The following LRRC4C variants were observed in gnomAD, a reference collection of about 807,000 sequenced individuals.
The protein encoded by LRRC4C is leucine-rich repeat-containing protein 4C.
LRRC4C carries 5 observed loss-of-function variants against 33.6 expected under a neutral mutation model. That is an observed-to-expected ratio of 0.15 (90% CI 0.08 to 0.31). The LOEUF (loss-of-function observed/expected upper bound fraction) is 0.31, where lower values mean the gene tolerates loss of function less well. LRRC4C is among the 10% of genes least tolerant of loss of function. The probability of loss-of-function intolerance (pLI) is 1.00; values close to 1 mark genes in which losing one functional copy is unlikely to be tolerated. For missense variants in LRRC4C, 560 were observed against 796.7 expected (o/e 0.70, Z 3.58); for synonymous variants, 329 against 302.0 (o/e 1.09, Z -0.93).
intron 1 of LRRC4C, among the ~76,000 whole-genome samples, chr11:40,979,225 T>C (rs1301851109): frequency 6.6e-6 from 1 of 152,182 alleles, no homozygotes; most frequent in Admixed American, 6.5e-5. Flanking sequence ...ACAAAAATAT[T>C]GTCAGCTTTT....
intron 3 of LRRC4C, among the ~76,000 whole-genome samples, chr11:40,611,829 C>G (rs1036917307): frequency 1.3e-5 from 2 of 151,428 alleles, no homozygotes; most frequent in African/African-American, 2.4e-5. Flanking sequence ...CACTTTGTAG[C>G]TGTTAGAATA....
chr11:40,508,263 G>A (rs1193370653), intron 3 of LRRC4C, among the ~76,000 whole-genome samples: 1 of 151,868 alleles, frequency 6.6e-6, no homozygotes, highest in African/African-American at 2.4e-5. Context: ...CAAAGAAGGG[G>A]GAATTATTTA....
At chr11:40,750,313 C>CA (rs1441682876) in intron 2 of LRRC4C, among the ~76,000 whole-genome samples, 6 of 151,930 alleles carry the variant, frequency 3.9e-5, no homozygotes, top group East Asian at 1.9e-4. Flanking sequence ...AAAACTATTC[C>CA]AAAAAATTGA....
At chr11:40,646,546 G>A (rs1050472935) in intron 3 of LRRC4C, among the ~76,000 whole-genome samples, 3 of 152,100 alleles carry the variant, frequency 2.0e-5, no homozygotes, top group Admixed American at 2.0e-4. Context: ...GAAAGACCAA[G>A]TTTGACGGCA....
At chr11:41,194,444 T>C (rs560935945) in intron 1 of LRRC4C, among the ~76,000 whole-genome samples, 1 of 152,124 alleles carries the variant, frequency 6.6e-6, no homozygotes, top group Non-Finnish European at 1.5e-5. Flanking sequence ...TATGACTCGA[T>C]TCTAACCCAT....
intron 3 of LRRC4C, among the ~76,000 whole-genome samples, chr11:40,378,278 T>C (rs1325897752): frequency 6.6e-6 from 1 of 152,046 alleles, no homozygotes; most frequent in Non-Finnish European, 1.5e-5. Flanking sequence ...CTTGATTAAC[T>C]TGAGTGCTTG....
chr11:40,245,190 C>T (rs930657129), intron 4 of LRRC4C, among the ~76,000 whole-genome samples: 2 of 152,170 alleles, frequency 1.3e-5, no homozygotes, highest in African/African-American at 2.4e-5. Context: ...ATCTCTTATA[C>T]AATTTCCTGA....
chr11:40,870,296 G>T (rs1369405640), intron 2 of LRRC4C, among the ~76,000 whole-genome samples: 1 of 152,064 alleles, frequency 6.6e-6, no homozygotes, highest in African/African-American at 2.4e-5. Flanking sequence ...TGTGAGTGGG[G>T]GGTTGCTGTG....
chr11:41,086,662 G>A (rs1940011018), intron 1 of LRRC4C, among the ~76,000 whole-genome samples: 1 of 152,018 alleles, frequency 6.6e-6, no homozygotes, highest in Admixed American at 6.6e-5. Flanking sequence ...TTACAGGCAT[G>A]GTGACTTTGT....
At chr11:40,944,344 A>G (rs1958293910) in intron 1 of LRRC4C, among the ~76,000 whole-genome samples, 1 of 152,092 alleles carries the variant, frequency 6.6e-6, no homozygotes, top group African/African-American at 2.4e-5. Flanking sequence ...TTCATGAATA[A>G]TTTTTCTGAC....
chr11:40,588,563 G>A (rs1235983433), intron 3 of LRRC4C, among the ~76,000 whole-genome samples: 1 of 151,554 alleles, frequency 6.6e-6, no homozygotes, highest in African/African-American at 2.4e-5. Context: ...TTTTAATTGT[G>A]ATGTTAGGTT....
chr11:40,216,271 T>A (rs1448036558), intron 5 of LRRC4C, among the ~76,000 whole-genome samples: 1 of 152,164 alleles, frequency 6.6e-6, no homozygotes, highest in Non-Finnish European at 1.5e-5. Flanking sequence ...CTTCCATTTT[T>A]AAATTTTAAT....
intron 5 of LRRC4C, among the ~76,000 whole-genome samples, chr11:40,227,889 G>A (rs1200988175): frequency 6.6e-6 from 1 of 152,150 alleles, no homozygotes; most frequent in African/African-American, 2.4e-5. Context: ...ACTCAGAGTG[G>A]ACATGATGCC....
chr11:40,720,265 G>A (rs895699766), intron 2 of LRRC4C, among the ~76,000 whole-genome samples: 7 of 152,074 alleles, frequency 4.6e-5, no homozygotes, highest in South Asian at 4.2e-4. Context: ...AACTCCATTT[G>A]GTCCTTTCAA....
chr11:41,205,383 T>C (rs749030913), intron 1 of LRRC4C, among the ~76,000 whole-genome samples: 23 of 152,298 alleles, frequency 1.5e-4, no homozygotes, highest in Admixed American at 2.6e-4. Context: ...TAACACCAAC[T>C]TGGGGGCTCC....
chr11:41,006,027 C>T (rs1468071439), intron 1 of LRRC4C, among the ~76,000 whole-genome samples: 1 of 152,180 alleles, frequency 6.6e-6, no homozygotes, highest in East Asian at 1.9e-4. Context: ...AAACTAGTCA[C>T]ACAATTTTAT....
At chr11:40,213,274 T>C (rs913357604) in intron 5 of LRRC4C, among the ~76,000 whole-genome samples, 1 of 152,146 alleles carries the variant, frequency 6.6e-6, no homozygotes, top group African/African-American at 2.4e-5. Context: ...TCTCTCTTAC[T>C]TGGATTTTGG....
At position 41,170,165 on chromosome 11, in the gene LRRC4C, T is replaced by C. The variant is rs546807050; in HGVS notation, c.-495-236442A>G. Among the ~76,000 whole-genome samples, 3 of 152,172 alleles carry C rather than the reference T, an allele frequency of 2.0e-5. No individual in the cohort carries two copies. The East Asian group carries it at 5.8e-4, about 29-fold the overall frequency. The stretch of plus-strand genomic sequence containing the variant: ...TCCAAAACTATCAAGATAGACTAGA[T>C]ATTTTTATACTGCCCAAGGTAATTT... On this transcript the variant is annotated intron_variant, in intron 1 of 6. Transcript: ENST00000528697.
chr11:41,272,349 G>A (rs1949348270), intron 1 of LRRC4C, among the ~76,000 whole-genome samples: 1 of 152,002 alleles, frequency 6.6e-6, no homozygotes, highest in African/African-American at 2.4e-5. Context: ...CATTGTGGGT[G>A]TCTAAGAACT....
Sources: allele counts gnomAD v4.1 joint callset (sites outside exome capture counted in the v4.1 genomes callset), GRCh38; gene constraint gnomAD v4.1.1; transcripts MANE v1.5; gene names NCBI Gene and HGNC (gene_info 2026-07-23, HGNC 2026-07-21).